The following B4GALNT3 variants were observed in gnomAD, a reference collection of about 807,000 sequenced individuals.
B4GALNT3 encodes the protein beta-1,4-N-acetylgalactosaminyltransferase 3.
A neutral mutation model predicts 120.2 loss-of-function variants in B4GALNT3; 86 were observed. The observed-to-expected ratio is 0.72, with a 90% CI of 0.60 to 0.86. B4GALNT3 has a LOEUF of 0.86. Ranked by LOEUF, B4GALNT3 falls within the 40% of genes least tolerant of loss-of-function variation. The pLI is 0.00. For synonymous variants in B4GALNT3, 518 were observed against 510.4 expected (o/e 1.01, Z -0.20); for missense variants, 1,167 against 1,298.9 (o/e 0.90, Z 1.56).
chr12:496,348 C>T (rs1946386948), intron 1 of B4GALNT3, among the ~76,000 whole-genome samples: 1 of 152,036 alleles, frequency 6.6e-6, no homozygotes, highest in Non-Finnish European at 1.5e-5. Context: ...GCATGTAGTC[C>T]CAGCACTTTG....
In B4GALNT3 at chr12:553,430, A is replaced by G; in HGVS notation, c.1507A>G (p.Thr503Ala). Reference sequence around the variant, plus strand: ...CTCCACAGCGTCCTTCCCAGGGAGGACCAGCCACATTCCAGTGCAGCAGCC... The same window carrying G: ...CTCCACAGCGTCCTTCCCAGGGAGGGCCAGCCACATTCCAGTGCAGCAGCC... ...RNSTASFPGRTSHIPVQQPEK... is the reference protein window; with the variant it reads ...RNSTASFPGRASHIPVQQPEK... Residue 503 changes from threonine to alanine, a missense_variant, in exon 14 of 20, where the codon ACC becomes GCC. Around this residue, in one of 3 missense-constraint regions of B4GALNT3, gnomAD observed 983 missense variants for 1,102.5 expected, o/e 0.89. Coordinates refer to ENST00000266383, the MANE Select transcript of B4GALNT3 (RefSeq NM_173593.4). 6.2e-7 allele frequency: 1 copy of G among 1,613,436 alleles called. No homozygotes were observed. Among genetic ancestry groups the G allele is most frequent in the Non-Finnish European group, 8.5e-7 (1 of 1,179,968 alleles).
At chr12:481,904 G>A (rs748125481) in intron 1 of B4GALNT3, among the ~76,000 whole-genome samples, 25 of 152,006 alleles carry the variant, frequency 1.6e-4, no homozygotes, top group Non-Finnish European at 3.1e-4. Flanking sequence ...CTCTTTCTAG[G>A]TGGCTTTGTA....
chr12:508,487 G>A (rs1478463488), intron 1 of B4GALNT3, among the ~76,000 whole-genome samples: 1 of 152,088 alleles, frequency 6.6e-6, no homozygotes, highest in Non-Finnish European at 1.5e-5. Flanking sequence ...TTACTACATT[G>A]CCCAGGCTGG....
intron 1 of B4GALNT3, among the ~76,000 whole-genome samples, chr12:481,888 C>A (rs1263953189): frequency 6.6e-6 from 1 of 152,088 alleles, no homozygotes; most frequent in Non-Finnish European, 1.5e-5. Flanking sequence ...TTCTGTCCTC[C>A]ATCTCCTCTT....
chr12:487,119 C>T (rs556554914), intron 1 of B4GALNT3, among the ~76,000 whole-genome samples: 31 of 151,930 alleles, frequency 2.0e-4, no homozygotes, highest in African/African-American at 7.0e-4. Flanking sequence ...TAGGATATGA[C>T]GACATAAACT....
intron 1 of B4GALNT3, among the ~76,000 whole-genome samples, chr12:526,045 C>T (rs1035954198): frequency 2.0e-5 from 3 of 152,168 alleles, no homozygotes; most frequent in African/African-American, 7.2e-5. Context: ...TGCTTGTTTG[C>T]ATAATGCAGA....
At position 499,236 on chromosome 12, in the gene B4GALNT3, A is replaced by G. The variant is rs192813018; in HGVS notation, c.170-35930A>G. Reference sequence around the variant, plus strand: ...TTTGTGTATTTAATTTAGGGCAGTCAAAAACTTAAGATCCATGCAGGTAGC... The same window carrying G: ...TTTGTGTATTTAATTTAGGGCAGTCGAAAACTTAAGATCCATGCAGGTAGC... On this transcript the variant is annotated intron_variant, in intron 1 of 19. Coordinates refer to ENST00000266383, the MANE Select transcript of B4GALNT3 (RefSeq NM_173593.4). Among the ~76,000 whole-genome samples, 639 of 152,382 alleles carry G rather than the reference A, an allele frequency of 4.2e-3. 5 individuals are homozygous for G. Among genetic ancestry groups the G allele is most frequent in the Non-Finnish European group, 5.8e-3 (394 of 68,036 alleles).
chr12:485,809 T>G (rs142682214), intron 1 of B4GALNT3, among the ~76,000 whole-genome samples: 3 of 152,170 alleles, frequency 2.0e-5, no homozygotes, highest in African/African-American at 7.2e-5. Context: ...CCTTCTGTCC[T>G]AACCACAAGT....
chr12:463,485 G>A lies in B4GALNT3; in HGVS notation c.169+2940G>A, dbSNP rs12816756. On this transcript the variant is annotated intron_variant, in intron 1 of 19. Coordinates refer to ENST00000266383, the MANE Select transcript of B4GALNT3 (RefSeq NM_173593.4). The stretch of plus-strand genomic sequence containing the variant: ...CAAATATTTACTTAGCGCATACCTC[G>A]AGCCAGGCATTGTGCCAGGCCGTGT... 5.4e-3 allele frequency among the ~76,000 whole-genome samples: 825 copies of A among 152,240 alleles called. 4 individuals are homozygous for A. Among genetic ancestry groups the A allele is most frequent in the Non-Finnish European group, 9.4e-3 (641 of 68,034 alleles).
At chr12:512,330 A>ACCTTCCACCTTCCC (rs1946590997) in intron 1 of B4GALNT3, among the ~76,000 whole-genome samples, 1 of 69,098 alleles carries the variant, frequency 1.4e-5, no homozygotes, top group African/African-American at 6.7e-5. Flanking sequence ...TCCACCTTCC[A>ACCTTCCACCTTCCC]CCTTCCTTCC....
At chr12:476,674 A>T (rs941330979) in intron 1 of B4GALNT3, among the ~76,000 whole-genome samples, 2 of 152,194 alleles carry the variant, frequency 1.3e-5, no homozygotes, top group Admixed American at 1.3e-4. Flanking sequence ...TGATTTGAAG[A>T]TACATGCAGT....
intron 9 of B4GALNT3, among the ~76,000 whole-genome samples, chr12:549,539 G>A (rs549953554): frequency 1.3e-5 from 2 of 152,342 alleles, no homozygotes; most frequent in South Asian, 2.1e-4. Flanking sequence ...TTCCGAGTAC[G>A]CAACACAGTC....
intron 7 of B4GALNT3, 65 bp downstream of exon 7, chr12:546,778 C>G: frequency 6.8e-7 from 1 of 1,465,274 alleles, no homozygotes; most frequent in South Asian, 1.2e-5. Flanking sequence ...GGCTGCGCCC[C>G]TGTCCGCCAG....
intron 3 of B4GALNT3, among the ~76,000 whole-genome samples, chr12:543,610 G>T (rs1426609644): frequency 5.9e-5 from 6 of 102,334 alleles, no homozygotes; most frequent in South Asian, 3.6e-4. Context: ...GAGCTGAGGA[G>T]CTGGGGCGGG....
chr12:475,299 G>C (rs1946173990), intron 1 of B4GALNT3, among the ~76,000 whole-genome samples: 1 of 152,178 alleles, frequency 6.6e-6, no homozygotes, highest in African/African-American at 2.4e-5. Context: ...TTTACCCAGT[G>C]CCTGGTATGT....
intron 4 of B4GALNT3, 22 bp from the exon 5 acceptor site, chr12:544,860 T>C (rs751217568): frequency 6.2e-7 from 1 of 1,611,204 alleles, no homozygotes; most frequent in South Asian, 1.1e-5. Flanking sequence ...GGTAACTGTT[T>C]CCTTCCCCTT....
chr12:533,803 G>T (rs1019469371), intron 1 of B4GALNT3, among the ~76,000 whole-genome samples: 3 of 152,198 alleles, frequency 2.0e-5, no homozygotes, highest in African/African-American at 7.2e-5. Context: ...TGTAAGAAAA[G>T]CACTCTCACC....
intron 3 of B4GALNT3, among the ~76,000 whole-genome samples, chr12:539,541 A>G (rs934364330): frequency 4.0e-5 from 6 of 151,864 alleles, no homozygotes; most frequent in Admixed American, 6.6e-5. Flanking sequence ...CTTTAAAAAA[A>G]AAAAAAAAAA....
chr12:461,740 T>C (rs1038094253), intron 1 of B4GALNT3, among the ~76,000 whole-genome samples: 1 of 152,140 alleles, frequency 6.6e-6, no homozygotes, highest in Non-Finnish European at 1.5e-5. Flanking sequence ...AGAGAGAGAA[T>C]TACTAGGGAC....
Sources: gnomAD v4.1 joint callset for allele counts (sites outside exome capture counted in the v4.1 genomes callset) on GRCh38, gnomAD v4.1.1 for gene constraint, gnomAD v4.1.1 regional missense constraint, MANE v1.5 for transcripts, NCBI Gene and HGNC (gene_info 2026-07-23, HGNC 2026-07-21) for gene names.